TFCP2: variants seen among roughly 807,000 people sequenced by gnomAD.
TFCP2 encodes transcription factor CP2.
In TFCP2, 33 loss-of-function variants were observed where a neutral mutation model predicts 73.4. That is an observed-to-expected ratio of 0.45 (90% CI 0.34 to 0.60). TFCP2 has a LOEUF of 0.60. TFCP2 is among the 20% of genes least tolerant of loss of function. The pLI is 0.01. For synonymous variants in TFCP2, 193 were observed against 211.6 expected (o/e 0.91, Z 0.76); for missense variants, 352 against 604.0 (o/e 0.58, Z 4.37).
chr12:51,122,603 A>G (rs1940712018), intron 1 of TFCP2, among the ~76,000 whole-genome samples: 1 of 152,162 alleles, frequency 6.6e-6, no homozygotes, highest in Non-Finnish European at 1.5e-5. Context: ...CAAAGGCCAG[A>G]AACACAAAAG....
chr12:51,108,025 C>A (rs1017640108), intron 6 of TFCP2, among the ~76,000 whole-genome samples: 1 of 151,482 alleles, frequency 6.6e-6, no homozygotes, highest in Non-Finnish European at 1.5e-5. Flanking sequence ...TGGCTCATGC[C>A]TGTAATCCCA....
At chr12:51,111,469 C>T (rs1201578519) in intron 4 of TFCP2, among the ~76,000 whole-genome samples, 1 of 151,766 alleles carries the variant, frequency 6.6e-6, no homozygotes, top group Non-Finnish European at 1.5e-5. Flanking sequence ...TCTTTTTTGT[C>T]AATGAAAATA....
At chr12:51,098,720 C>T (rs1426039534) in intron 13 of TFCP2, 56 bp downstream of exon 13, 9 of 1,596,446 alleles carry the variant, frequency 5.6e-6, no homozygotes, top group Non-Finnish European at 7.7e-6. Flanking sequence ...TGCTCTTGCT[C>T]CATGCGCTGA....
At chr12:51,131,263 A>T (rs546875900) in intron 1 of TFCP2, among the ~76,000 whole-genome samples, 1 of 145,264 alleles carries the variant, frequency 6.9e-6, no homozygotes, top group Non-Finnish European at 1.5e-5. Context: ...TGAACCCGGG[A>T]GGTGGAGCTT....
chr12:51,160,470 T>A (rs1417970977), intron 1 of TFCP2, among the ~76,000 whole-genome samples: 1 of 152,028 alleles, frequency 6.6e-6, no homozygotes, highest in Non-Finnish European at 1.5e-5. Context: ...TTTTTCCATG[T>A]TAAGAATGAA....
rs957899880 is a variant in TFCP2 at position 51,154,554 on chromosome 12, C to A, written c.122+17747G>T. ...ATTAAAAATACAGAAATTAGCCAGG[C>A]GTGGTGGCAGGTGCCTGTAATCTCA... is the stretch of plus-strand genomic sequence containing the variant. On this transcript the variant is annotated intron_variant, in intron 1 of 14. Coordinates refer to ENST00000257915, the MANE Select transcript of TFCP2 (RefSeq NM_005653.5). Among the ~76,000 whole-genome samples the A allele has an allele frequency of 2.0e-5, 3 of 152,006 alleles. No individual in the cohort carries two copies. In the East Asian group the frequency reaches 5.8e-4, roughly 29 times the overall value.
At chr12:51,155,212 G>A (rs1309283752) in intron 1 of TFCP2, among the ~76,000 whole-genome samples, 1 of 152,186 alleles carries the variant, frequency 6.6e-6, no homozygotes, top group Non-Finnish European at 1.5e-5. Context: ...GCCTCGGTCT[G>A]AGAGTTATGC....
chr12:51,117,740 A>G lies in TFCP2; in HGVS notation c.282T>C (p.Ser94=), dbSNP rs1231504439. ...ETLTYLNQGQ[S]YEIRMLDNRK... The stretch of plus-strand genomic sequence containing the variant: ...TATTGTCTAGCATTCGAATTTCATA[A>G]GACTGTCCTAGAAGAAAAAGTAATT... Residue 94 remains serine, a synonymous_variant, in exon 3 of 15, where the codon TCT becomes TCC. Transcript: ENST00000257915. 1.1e-5 allele frequency: 17 copies of G among 1,608,504 alleles called. No homozygotes were observed. The East Asian group carries it at 3.8e-4, about 36-fold the overall frequency.
intron 1 of TFCP2, among the ~76,000 whole-genome samples, chr12:51,122,037 T>G (rs1221251563): frequency 2.6e-5 from 4 of 152,044 alleles, no homozygotes; most frequent in Non-Finnish European, 4.4e-5. Flanking sequence ...TATTATAAAT[T>G]ATTACTGGAA....
intron 5 of TFCP2, 94 bp from the exon 6 acceptor site, chr12:51,109,367 C>T (rs1940337720): frequency 1.3e-5 from 18 of 1,346,874 alleles, no homozygotes; most frequent in Admixed American, 1.9e-5. Flanking sequence ...AAAACCTTTA[C>T]CAGGCATTAT....
intron 1 of TFCP2, among the ~76,000 whole-genome samples, chr12:51,126,155 C>T (rs1243645100): frequency 1.3e-5 from 2 of 151,030 alleles, no homozygotes; most frequent in African/African-American, 4.9e-5. Context: ...ATGGCGTGAA[C>T]CCGGGAGGCG....
chr12:51,098,703 G>C (rs911639351), intron 13 of TFCP2, 73 bp downstream of exon 13: 1 of 1,534,404 alleles, frequency 6.5e-7, no homozygotes, highest in Middle Eastern at 1.7e-4. Context: ...CTCTGCCCCA[G>C]GAGAACTGCT....
chr12:51,133,782 C>G (rs1013577217), intron 1 of TFCP2, among the ~76,000 whole-genome samples: 6 of 152,024 alleles, frequency 3.9e-5, no homozygotes, highest in Non-Finnish European at 8.8e-5. Flanking sequence ...CAAAAATTAG[C>G]CAGGCATGGT....
At chr12:51,165,760 G>A (rs930707606) in intron 1 of TFCP2, among the ~76,000 whole-genome samples, 1 of 152,168 alleles carries the variant, frequency 6.6e-6, no homozygotes, top group East Asian at 1.9e-4. Context: ...AGAATTTTAT[G>A]TTATGTGTAT....
chr12:51,126,936 G>A (rs7342309), intron 1 of TFCP2, among the ~76,000 whole-genome samples: 6,365 of 152,220 alleles, frequency 0.042, 429 homozygotes, highest in African/African-American at 0.14. Context: ...TCAGGGAGGA[G>A]ACCTGGCAAG....
At chr12:51,149,259 G>A (rs959608411) in intron 1 of TFCP2, among the ~76,000 whole-genome samples, 1 of 151,946 alleles carries the variant, frequency 6.6e-6, no homozygotes, top group Admixed American at 6.6e-5. Context: ...ATGGACTTTG[G>A]GGACTCAAGG....
At chr12:51,170,609 T>C (rs73305773) in intron 1 of TFCP2, among the ~76,000 whole-genome samples, 13,396 of 151,136 alleles carry the variant, frequency 0.089, 632 homozygotes, top group Middle Eastern at 0.12. Flanking sequence ...ACAGGCATGA[T>C]TATTATTTAG....
intron 1 of TFCP2, among the ~76,000 whole-genome samples, chr12:51,164,956 A>C (rs1168260547): frequency 6.6e-6 from 1 of 152,242 alleles, no homozygotes; most frequent in Non-Finnish European, 1.5e-5. Flanking sequence ...TCAAAGAATT[A>C]ACACCAATCC....
intron 4 of TFCP2, among the ~76,000 whole-genome samples, chr12:51,111,257 C>G (rs1940393986): frequency 6.6e-6 from 1 of 152,076 alleles, no homozygotes; most frequent in African/African-American, 2.4e-5. Context: ...GATCCTCCTG[C>G]CTCTGCCTCC....
Sources: allele counts gnomAD v4.1 joint callset (sites outside exome capture counted in the v4.1 genomes callset), GRCh38; gene constraint gnomAD v4.1.1; transcripts MANE v1.5; gene names NCBI Gene and HGNC (gene_info 2026-07-23, HGNC 2026-07-21).